The following ACP6 variants were observed in gnomAD, a reference collection of about 807,000 sequenced individuals.
ACP6 encodes the protein lysophosphatidic acid phosphatase type 6.
Under a neutral mutation model 48.1 loss-of-function variants are expected in ACP6, and 48 were observed. The observed-to-expected ratio is 1.00, with a 90% CI of 0.79 to 1.27. The LOEUF is 1.27. ACP6 is among the 50% of genes most tolerant of loss of function. The pLI, the probability that ACP6 is intolerant of heterozygous loss-of-function variation, is 0.00. For missense variants in ACP6, 485 were observed against 529.1 expected, an observed-to-expected ratio of 0.92 and a Z score of 0.82; for synonymous variants, 172 against 204.2, an observed-to-expected ratio of 0.84 and a Z score of 1.34.
At chr1:147,635,063 G>A (rs191123194) in intron 5 of ACP6, among the ~76,000 whole-genome samples, 3 of 152,306 alleles carry the variant, frequency 2.0e-5, no homozygotes, top group African/African-American at 7.2e-5. Context: ...TCTAGACCAA[G>A]GAGCTCTCCA....
downstream of ACP6, among the ~76,000 whole-genome samples, chr1:147,638,396 G>C (rs1238339578): frequency 6.6e-6 from 1 of 152,186 alleles, no homozygotes; most frequent in Non-Finnish European, 1.5e-5. Flanking sequence ...AACCTGGGTA[G>C]TCTATCTGTA....
At chr1:147,631,463 C>T (rs1299551013) in intron 5 of ACP6, among the ~76,000 whole-genome samples, 1 of 152,040 alleles carries the variant, frequency 6.6e-6, no homozygotes, top group Non-Finnish European at 1.5e-5. Flanking sequence ...GTTTTTTAAC[C>T]AGTATTTTCA....
Position 147,655,204 on chromosome 1 carries a change from A to AT in ACP6, c.603_604insA (p.Tyr202IlefsTer41), listed in dbSNP as rs781871574. The AT allele has an allele frequency of 8.1e-6, 13 of 1,609,478 alleles. No individual in the cohort carries two copies. Among genetic ancestry groups the AT allele is most frequent in the Non-Finnish European group, 1.1e-5 (13 of 1,177,700 alleles). On this transcript the variant is annotated frameshift_variant, in exon 5 of 10. Transcript: ENST00000583509. LOFTEE classifies it high-confidence loss of function. The stretch of plus-strand genomic sequence containing the variant: ...CTCCAGCAGCTTTGGTAGTTGGGAT[A>AT]CAAGACTTCTGAATCTGCTTCATCA...
intron 1 of ACP6, among the ~76,000 whole-genome samples, chr1:147,667,891 G>A (rs782107295): frequency 2.0e-5 from 3 of 152,018 alleles, no homozygotes; most frequent in African/African-American, 4.8e-5. Context: ...TCGGGAGGCT[G>A]AGGCAAGAGA....
intron 4 of ACP6, among the ~76,000 whole-genome samples, chr1:147,658,381 C>T (rs938951227): frequency 1.3e-5 from 2 of 152,156 alleles, no homozygotes; most frequent in Non-Finnish European, 2.9e-5. Flanking sequence ...CAAAATGCAG[C>T]TTCATGTGAT....
At chr1:147,667,240 T>C (rs1478567327) in intron 1 of ACP6, among the ~76,000 whole-genome samples, 2 of 152,004 alleles carry the variant, frequency 1.3e-5, no homozygotes, top group East Asian at 3.9e-4. Context: ...GTTTTTGAGA[T>C]GGAGTCTTGC....
chr1:147,653,950 G>T (rs1660093506), intron 6 of ACP6, among the ~76,000 whole-genome samples: 1 of 152,084 alleles, frequency 6.6e-6, no homozygotes, highest in African/African-American at 2.4e-5. Flanking sequence ...ACTGCATATT[G>T]GGTGTTCTGG....
intron 9 of ACP6, chr1:147,647,806 C>A (rs587731332): frequency 5.1e-6 from 3 of 591,454 alleles, no homozygotes; most frequent in Non-Finnish European, 8.6e-6. Context: ...CATCCCCGAG[C>A]TGGGAGAACC....
downstream of ACP6, among the ~76,000 whole-genome samples, chr1:147,637,230 C>T (rs1659322524): frequency 6.6e-6 from 1 of 152,214 alleles, no homozygotes; most frequent in African/African-American, 2.4e-5. Flanking sequence ...TTCAGATTCT[C>T]ATGGTAGGCA....
intron 6 of ACP6, 125 bp downstream of exon 6, chr1:147,654,069 T>C (rs1165599382): frequency 1.4e-6 from 2 of 1,475,600 alleles, no homozygotes; most frequent in Admixed American, 2.3e-5. Flanking sequence ...ACCCATTCTA[T>C]CTGTAGGTCT....
downstream of ACP6, among the ~76,000 whole-genome samples, chr1:147,639,397 T>G (rs1266277923): frequency 2.6e-5 from 4 of 152,198 alleles, no homozygotes; most frequent in African/African-American, 4.8e-5. Context: ...AAGGCCCAGG[T>G]AAGCTGTGCC....
intron 1 of ACP6, among the ~76,000 whole-genome samples, chr1:147,663,595 G>C (rs186547925): frequency 6.6e-6 from 1 of 152,094 alleles, no homozygotes; most frequent in African/African-American, 2.4e-5. Context: ...AGCATCACTT[G>C]AGGCCAGGAG....
At chr1:147,666,394 A>C (rs1465187127) in intron 1 of ACP6, among the ~76,000 whole-genome samples, 1 of 152,234 alleles carries the variant, frequency 6.6e-6, no homozygotes, top group African/African-American at 2.4e-5. Context: ...CATTTCAGCG[A>C]AGGCAATTCT....
chr1:147,666,932 A>G (rs903437107), intron 1 of ACP6, among the ~76,000 whole-genome samples: 4 of 152,204 alleles, frequency 2.6e-5, no homozygotes, highest in African/African-American at 9.7e-5. Context: ...ATAGGGACCC[A>G]AATGTCTTAA....
In ACP6 at chr1:147,652,530, C is replaced by A. The variant is rs781983194; in HGVS notation, c.800G>T (p.Cys267Phe). The A allele has an allele frequency of 1.1e-5, 18 of 1,613,920 alleles. No individual in the cohort carries two copies. Among genetic ancestry groups the A allele is most frequent in the Non-Finnish European group, 1.4e-5 (16 of 1,179,994 alleles). Residue 267 changes from cysteine to phenylalanine, a missense_variant, in exon 7 of 10, where the codon TGC becomes TTC. Cys to Phe is a radical substitution (Grantham distance 205). Coordinates refer to ENST00000583509, the MANE Select transcript of ACP6 (RefSeq NM_016361.5). ...AAEQAHNLPS[C>F]PMLKRFARMI... The stretch of plus-strand genomic sequence containing the variant: ...CCTTGCAAATCTCTTCAGCATGGGG[C>A]AGCTTGGGAGGTTGTGTGCCTGAAA...
At chr1:147,665,457 G>A (rs1471739770) in intron 1 of ACP6, among the ~76,000 whole-genome samples, 1 of 152,230 alleles carries the variant, frequency 6.6e-6, no homozygotes, top group African/African-American at 2.4e-5. Context: ...TTTGAGCCTT[G>A]TAATGGAGAT....
In ACP6 at chr1:147,658,943, G is replaced by A. The variant is rs2148911462; in HGVS notation, c.559+17C>T. 6.2e-7 allele frequency: 1 copy of A among 1,606,028 alleles called. No homozygotes were observed. Among genetic ancestry groups the A allele is most frequent in the Non-Finnish European group, 8.5e-7 (1 of 1,175,148 alleles). ...ACCCCTCAGGGACAGGGACTGACTGGGACCCCAAATACGAACCTTCTTTCT... is the reference window on the plus strand; with the variant it reads ...ACCCCTCAGGGACAGGGACTGACTGAGACCCCAAATACGAACCTTCTTTCT... On this transcript the variant is annotated intron_variant, in intron 4 of 9. Transcript: ENST00000583509.
intron 5 of ACP6, among the ~76,000 whole-genome samples, chr1:147,634,847 C>T (rs1659256902): frequency 1.3e-5 from 2 of 152,294 alleles, no homozygotes; most frequent in East Asian, 1.9e-4. Flanking sequence ...ATTATAAGCA[C>T]AGTCATGGCA....
At chr1:147,638,579 G>A (rs1292827939), downstream of ACP6, among the ~76,000 whole-genome samples, 12 of 152,176 alleles carry the variant, frequency 7.9e-5, no homozygotes, top group Non-Finnish European at 1.8e-4. Context: ...GAGCAAAAGG[G>A]AGTGTGGTGG....
Sources: gnomAD v4.1 joint callset for allele counts (sites outside exome capture counted in the v4.1 genomes callset) on GRCh38, gnomAD v4.1.1 for gene constraint, MANE v1.5 for transcripts, NCBI Gene and HGNC (gene_info 2026-07-23, HGNC 2026-07-21) for gene names.